Variants in DSCAML1 observed in about 807,000 individuals in gnomAD.
DSCAML1 encodes the protein DS cell adhesion molecule like 1.
DSCAML1 carries 38 observed loss-of-function variants against 200.5 expected under a neutral mutation model. The observed-to-expected ratio is 0.19, with a 90% CI of 0.15 to 0.25. The LOEUF is 0.25. Among genes scored for constraint, DSCAML1 ranks in the 10% least tolerant of loss-of-function variants. The pLI, the probability that DSCAML1 is intolerant of heterozygous loss-of-function variation, is 1.00. For synonymous variants in DSCAML1, 1,215 were observed against 1,165.0 expected (o/e 1.04, Z -0.87); for missense variants, 2,223 against 2,858.8 (o/e 0.78, Z 5.07).
chr11:117,431,908 G>A (rs543015002), intron 30 of DSCAML1, among the ~76,000 whole-genome samples, 180 bp from the exon 31 acceptor site: 2 of 150,392 alleles, frequency 1.3e-5, no homozygotes, highest in South Asian at 2.1e-4. Context: ...AAGAGCAATC[G>A]AGTCAAGGTT....
chr11:117,581,206 T>G (rs1250661322), intron 3 of DSCAML1, among the ~76,000 whole-genome samples: 1 of 152,176 alleles, frequency 6.6e-6, no homozygotes, highest in African/African-American at 2.4e-5. Flanking sequence ...GATAATAATA[T>G]AAGTTACCAT....
At chr11:117,791,630 C>T (rs1338016140) in intron 1 of DSCAML1, among the ~76,000 whole-genome samples, 2 of 152,222 alleles carry the variant, frequency 1.3e-5, no homozygotes, top group Non-Finnish European at 2.9e-5. Context: ...ACCACATGGC[C>T]TCAGCCATGT....
At chr11:117,681,866 C>T (rs1335988797) in intron 3 of DSCAML1, among the ~76,000 whole-genome samples, 3 of 152,170 alleles carry the variant, frequency 2.0e-5, no homozygotes, top group Non-Finnish European at 2.9e-5. Flanking sequence ...GAGTCTCTTC[C>T]GTTAATACCA....
At chr11:117,497,970 G>A (rs1450246691) in intron 11 of DSCAML1, among the ~76,000 whole-genome samples, 2 of 152,268 alleles carry the variant, frequency 1.3e-5, no homozygotes, top group East Asian at 3.8e-4. Context: ...AAGGGGAGAA[G>A]GGAAGAGCAG....
intron 2 of DSCAML1, among the ~76,000 whole-genome samples, chr11:117,779,705 G>T (rs933830194): frequency 6.6e-6 from 1 of 152,158 alleles, no homozygotes; most frequent in African/African-American, 2.4e-5. Flanking sequence ...TTTGTATAAA[G>T]TTCATAAATA....
At chr11:117,485,162 A>G (rs1166074338) in intron 11 of DSCAML1, among the ~76,000 whole-genome samples, 4 of 152,122 alleles carry the variant, frequency 2.6e-5, no homozygotes, top group African/African-American at 7.2e-5. Flanking sequence ...TTCACCCCTG[A>G]GGCTATGTAC....
intron 3 of DSCAML1, among the ~76,000 whole-genome samples, chr11:117,725,801 C>CACAAAACAAAACAAA (rs72442656): frequency 1.1e-3 from 158 of 147,890 alleles, no homozygotes; most frequent in African/African-American, 3.7e-3. Flanking sequence ...GGTTATGCTA[C>CACAAAACAAAACAAA]ACAAAACAAA....
chr11:117,509,307 G>A (rs1468296091), intron 8 of DSCAML1, among the ~76,000 whole-genome samples: 7 of 152,172 alleles, frequency 4.6e-5, no homozygotes, highest in South Asian at 2.1e-4. Flanking sequence ...CCAAGGGGCT[G>A]TCATTCCTTC....
intron 21 of DSCAML1, among the ~76,000 whole-genome samples, chr11:117,442,030 G>A (rs1383672579): frequency 9.9e-6 from 1 of 100,980 alleles, no homozygotes; most frequent in Non-Finnish European, 1.8e-5. Flanking sequence ...GTGAGTGTGT[G>A]TATGTGTGTG....
At chr11:117,708,364 G>A (rs527922390) in intron 3 of DSCAML1, among the ~76,000 whole-genome samples, 132 of 152,322 alleles carry the variant, frequency 8.7e-4, no homozygotes, top group Non-Finnish European at 1.4e-3. Context: ...GCTGTCAAGT[G>A]TTCCCTGATG....
At position 117,525,049 on chromosome 11, in the gene DSCAML1, G is replaced by A. The variant is rs375817328; in HGVS notation, c.693C>T (p.Gly231=). The part of the protein sequence containing the change: ...PAESIPTILD[G]FHSQEVWAGH... ...CGGCCCACACTTCCTGGGAGTGGAA[G>A]CCATCCAGGATGGTGGGGATCGACT... The change falls in exon 5 of 33, where the codon GGC becomes GGT. Residue 231 remains glycine (G), a synonymous_variant. Coordinates refer to ENST00000651296, the MANE Select transcript of DSCAML1 (RefSeq NM_020693.4). 13 of 1,588,118 alleles carry A rather than the reference G, an allele frequency of 8.2e-6. No individual in the cohort carries two copies. The African/African-American group carries it at 1.6e-4, about 20-fold the overall frequency.
intron 8 of DSCAML1, among the ~76,000 whole-genome samples, chr11:117,515,689 C>T (rs2049750525): frequency 7.2e-6 from 1 of 139,662 alleles, no homozygotes; most frequent in African/African-American, 2.7e-5. Flanking sequence ...GGCTCAATCT[C>T]GGCTCACTGC....
At chr11:117,739,691 C>T (rs1406421762) in intron 3 of DSCAML1, among the ~76,000 whole-genome samples, 2 of 152,080 alleles carry the variant, frequency 1.3e-5, no homozygotes, top group African/African-American at 4.8e-5. Context: ...GCAACAGTGC[C>T]CCTGAAGATG....
chr11:117,538,664 G>A (rs2050210166), intron 3 of DSCAML1, among the ~76,000 whole-genome samples: 1 of 152,174 alleles, frequency 6.6e-6, no homozygotes, highest in African/African-American at 2.4e-5. Flanking sequence ...GAGCCATGGA[G>A]AGATAATTGA....
intron 11 of DSCAML1, among the ~76,000 whole-genome samples, chr11:117,497,467 A>T (rs73008413): frequency 0.03 from 4,572 of 152,284 alleles, 115 homozygotes; most frequent in East Asian, 0.1. Context: ...GATGAGAGGA[A>T]GTGTCCAGCC....
At chr11:117,762,205 A>G (rs189358672) in intron 3 of DSCAML1, among the ~76,000 whole-genome samples, 2 of 152,258 alleles carry the variant, frequency 1.3e-5, no homozygotes, top group Non-Finnish European at 2.9e-5. Flanking sequence ...CTCTGACAAG[A>G]TAAGTTCATA....
intron 3 of DSCAML1, among the ~76,000 whole-genome samples, chr11:117,645,271 C>A (rs1378831706): frequency 6.6e-6 from 1 of 152,154 alleles, no homozygotes; most frequent in African/African-American, 2.4e-5. Flanking sequence ...AAGGGGGTTT[C>A]TTGGGGTCTC....
At chr11:117,486,275 G>GTGGCGGATGTGAAAA (rs1565730929) in intron 11 of DSCAML1, among the ~76,000 whole-genome samples, 1 of 123,380 alleles carries the variant, frequency 8.1e-6, no homozygotes, top group Non-Finnish European at 1.7e-5. Context: ...GGATGGGAAA[G>GTGGCGGATGTGAAAA]TGGCGGATGT....
chr11:117,792,216 G>C (rs1026454067), intron 1 of DSCAML1, among the ~76,000 whole-genome samples: 3 of 152,126 alleles, frequency 2.0e-5, no homozygotes, highest in African/African-American at 7.2e-5. Flanking sequence ...ACCTCTGTGG[G>C]CTCTGGTGGG....
Sources: gnomAD v4.1 joint callset for allele counts (sites outside exome capture counted in the v4.1 genomes callset) on GRCh38, gnomAD v4.1.1 for gene constraint, MANE v1.5 for transcripts, NCBI Gene and HGNC (gene_info 2026-07-23, HGNC 2026-07-21) for gene names.